Variants in ERBB4 observed in about 807,000 individuals in gnomAD.
ERBB4 encodes receptor tyrosine-protein kinase erbB-4.
ERBB4 carries 42 observed loss-of-function variants against 158.0 expected under a neutral mutation model. That is an observed-to-expected ratio of 0.27 (90% CI 0.21 to 0.34). The LOEUF (loss-of-function observed/expected upper bound fraction) is 0.34, where lower values mean the gene tolerates loss of function less well. ERBB4 is among the 10% of genes least tolerant of loss of function. ERBB4 has a pLI of 1.00. For missense variants in ERBB4, 1,333 were observed against 1,624.1 expected, an observed-to-expected ratio of 0.82 and a Z score of 3.08; for synonymous variants, 583 against 558.7, an observed-to-expected ratio of 1.04 and a Z score of -0.61.
At position 211,722,179 on chromosome 2, in the gene ERBB4, C is replaced by T. The variant is rs150094114; in HGVS notation, c.883+214G>A. ...CCCAGCCACAGTAGGAGTTTTATAA[C>T]CTCAAACATGTCATCCTTTTGCTAT... is the stretch of plus-strand genomic sequence containing the variant. On this transcript the variant is annotated intron_variant, in intron 7 of 27. Transcript: ENST00000342788. 1.4e-3 allele frequency among the ~76,000 whole-genome samples: 211 copies of T among 152,188 alleles called. 1 individual carries two copies. Among genetic ancestry groups the T allele is most frequent in the African/African-American group, 4.8e-3 (200 of 41,508 alleles).
chr2:211,671,208 G>C (rs1280036544), intron 14 of ERBB4, among the ~76,000 whole-genome samples: 1 of 152,032 alleles, frequency 6.6e-6, no homozygotes, highest in Non-Finnish European at 1.5e-5. Flanking sequence ...AAAAGATAAT[G>C]TGAAAAAATT....
chr2:212,019,891 G>T (rs976200501), intron 2 of ERBB4, among the ~76,000 whole-genome samples: 6 of 151,922 alleles, frequency 3.9e-5, no homozygotes, highest in Admixed American at 3.3e-4. Context: ...ACAAGCTAGA[G>T]ATGGGGTCTA....
chr2:212,371,461 GTTTC>G (rs575104518), intron 1 of ERBB4, among the ~76,000 whole-genome samples: 311 of 152,204 alleles, frequency 2.0e-3, no homozygotes, highest in Non-Finnish European at 3.8e-3. Context: ...CTACATGCTG[GTTTC>G]TTTCTTTCTC....
chr2:212,508,540 C>T (rs1691321029), intron 1 of ERBB4, among the ~76,000 whole-genome samples: 1 of 152,056 alleles, frequency 6.6e-6, no homozygotes, highest in East Asian at 1.9e-4. Flanking sequence ...CATTTAAAGG[C>T]ATAAGTTTCT....
chr2:212,215,534 AGAAAT>A (rs1426116064), intron 1 of ERBB4, among the ~76,000 whole-genome samples: 1 of 151,438 alleles, frequency 6.6e-6, no homozygotes, highest in African/African-American at 2.4e-5. Flanking sequence ...AGCATGAAAT[AGAAAT>A]AATAACATGA....
intron 20 of ERBB4, among the ~76,000 whole-genome samples, chr2:211,520,774 T>C (rs570178803): frequency 1.3e-5 from 2 of 152,274 alleles, no homozygotes; most frequent in East Asian, 3.9e-4. Context: ...TAGCATGTAC[T>C]CACTCCACAT....
rs369034362 is a variant in ERBB4, at chr2:212,038,375, C to T, written c.234+86377G>A. ...TTTATAATTCTAGTCAAATATGGTC[C>T]TTCCTTTAGGCTTCTCCAAGGCTTT... is the stretch of plus-strand genomic sequence containing the variant. On this transcript the variant is annotated intron_variant, in intron 2 of 27. Transcript: ENST00000342788. Among the ~76,000 whole-genome samples the T allele has an allele frequency of 5.9e-5, 9 of 152,078 alleles. No individual in the cohort carries two copies. The East Asian group carries it at 1.5e-3, about 26-fold the overall frequency.
At position 212,326,286 on chromosome 2, in the gene ERBB4, C is replaced by G. The variant is rs1051740638; in HGVS notation, c.83-201383G>C. Among the ~76,000 whole-genome samples, 11 of 150,714 alleles carry G rather than the reference C, an allele frequency of 7.3e-5. 1 individual carries two copies. Among genetic ancestry groups the G allele is most frequent in the Non-Finnish European group, 1.5e-4 (10 of 67,232 alleles). On this transcript the variant is annotated intron_variant, in intron 1 of 27. Transcript: ENST00000342788. ...CATCCTATATTATTTATATTCGTAT[C>G]ACTGTTATCTTTCTCTGACAAATAA...
chr2:211,793,112 C>A (rs879696141), intron 3 of ERBB4, among the ~76,000 whole-genome samples: 3 of 151,784 alleles, frequency 2.0e-5, no homozygotes, highest in Non-Finnish European at 4.4e-5. Context: ...GGACCCCATG[C>A]ACAATTTGTA....
intron 3 of ERBB4, among the ~76,000 whole-genome samples, chr2:211,858,184 C>A (rs984774): frequency 6.6e-6 from 1 of 151,824 alleles, no homozygotes; most frequent in East Asian, 1.9e-4. Flanking sequence ...GACAAGGAGA[C>A]AGAGTGCACA....
At chr2:211,633,502 T>TTTA (rs71054122) in intron 16 of ERBB4, among the ~76,000 whole-genome samples, 5 of 147,872 alleles carry the variant, frequency 3.4e-5, no homozygotes, top group South Asian at 2.1e-4. Flanking sequence ...TTTTTTTTTT[T>TTTA]AAATTCACTA....
At chr2:211,385,428 T>G (rs2062664799) in intron 27 of ERBB4, among the ~76,000 whole-genome samples, 1 of 152,168 alleles carries the variant, frequency 6.6e-6, no homozygotes, top group Non-Finnish European at 1.5e-5. Flanking sequence ...ATAATCTTCT[T>G]ATTCTACTGC....
chr2:212,503,190 A>C (rs771653688), intron 1 of ERBB4, among the ~76,000 whole-genome samples: 17 of 152,256 alleles, frequency 1.1e-4, no homozygotes, highest in Admixed American at 5.2e-4. Flanking sequence ...TACTGGGTTA[A>C]GCTACTGTAA....
chr2:212,327,727 T>C (rs934695100), intron 1 of ERBB4, among the ~76,000 whole-genome samples: 1 of 37,998 alleles, frequency 2.6e-5, no homozygotes, highest in Non-Finnish European at 6.2e-5. Flanking sequence ...TTTCTTTTTT[T>C]CTTTTTTTTT....
intron 1 of ERBB4, among the ~76,000 whole-genome samples, chr2:212,349,056 G>A (rs1433654832): frequency 6.6e-6 from 1 of 152,036 alleles, no homozygotes; most frequent in African/African-American, 2.4e-5. Flanking sequence ...TTTCGAAAAG[G>A]ATATAATGAT....
At chr2:212,519,202 C>T (rs1440685742) in intron 1 of ERBB4, among the ~76,000 whole-genome samples, 2 of 151,884 alleles carry the variant, frequency 1.3e-5, no homozygotes, top group Non-Finnish European at 2.9e-5. Flanking sequence ...AGATCTCAGT[C>T]ATCCCTGAAT....
intron 19 of ERBB4, among the ~76,000 whole-genome samples, chr2:211,601,911 C>A (rs1177718486): frequency 6.6e-6 from 1 of 151,982 alleles, no homozygotes; most frequent in African/African-American, 2.4e-5. Flanking sequence ...ATAATTGTGT[C>A]AATTATGAAT....
chr2:212,144,016 C>G (rs1367597929), intron 1 of ERBB4, among the ~76,000 whole-genome samples: 1 of 142,638 alleles, frequency 7.0e-6, no homozygotes, highest in Admixed American at 6.9e-5. Context: ...GAGACTTCAT[C>G]TCAAAAAAAA....
intron 1 of ERBB4, among the ~76,000 whole-genome samples, chr2:212,346,300 C>T (rs2088995610): frequency 1.2e-5 from 1 of 80,666 alleles, no homozygotes; most frequent in Non-Finnish European, 2.8e-5. Flanking sequence ...TATATTTCCT[C>T]AATGATGGCC....
Sources: allele counts gnomAD v4.1 joint callset (sites outside exome capture counted in the v4.1 genomes callset), GRCh38; gene constraint gnomAD v4.1.1; transcripts MANE v1.5; gene names NCBI Gene and HGNC (gene_info 2026-07-23, HGNC 2026-07-21).